ABCC1: variants seen among roughly 807,000 people sequenced by gnomAD.
ABCC1 encodes multidrug resistance-associated protein 1.
In ABCC1, 83 loss-of-function variants were observed where a neutral mutation model predicts 172.9. The ratio of observed to expected loss-of-function variants is 0.48; its 90% CI spans 0.40 to 0.58. The LOEUF is 0.58. Ranked by LOEUF, ABCC1 falls within the 20% of genes least tolerant of loss-of-function variation. ABCC1 has a pLI of 0.00. For missense variants in ABCC1, 1,817 were observed against 2,002.7 expected (o/e 0.91, Z 1.77); for synonymous variants, 937 against 825.2 (o/e 1.14, Z -2.32).
intron 1 of ABCC1, among the ~76,000 whole-genome samples, chr16:15,982,946 G>A (rs745320721): frequency 2.4e-4 from 36 of 152,010 alleles, no homozygotes; most frequent in East Asian, 1.2e-3. Context: ...TCATCCTAGC[G>A]ATAACTGTAC....
intron 13 of ABCC1, among the ~76,000 whole-genome samples, chr16:16,068,979 C>T (rs1249919502): frequency 6.8e-6 from 1 of 148,028 alleles, no homozygotes; most frequent in African/African-American, 2.5e-5. Flanking sequence ...ACAGCAAAAA[C>T]TCCGTCTCAA....
At chr16:16,013,138 T>C (rs34868583) in intron 3 of ABCC1, among the ~76,000 whole-genome samples, 33,470 of 149,768 alleles carry the variant, frequency 0.22, 4,497 homozygotes, top group African/African-American at 0.39. Flanking sequence ...TCTCTTTATC[T>C]ACCTGAGATC....
Position 16,045,862 on chromosome 16 carries a change from C to G in ABCC1, c.1067C>G (p.Thr356Arg), listed in dbSNP as rs373622441. 4.3e-6 allele frequency: 7 copies of G among 1,614,184 alleles called. No individual in the cohort carries two copies. The highest frequency in any genetic ancestry group is 2.2e-5 in the East Asian group (1 of 44,884). ...LKLLIKFVNDTKAPDWQGYFY... is the reference protein window; with the variant it reads ...LKLLIKFVNDRKAPDWQGYFY... Reference sequence around the variant, plus strand: ...TTGCTCATCAAGTTCGTGAATGACACGAAGGCCCCAGACTGGCAGGGCTAC... The same window carrying G: ...TTGCTCATCAAGTTCGTGAATGACAGGAAGGCCCCAGACTGGCAGGGCTAC... Residue 356 changes from threonine to arginine, a missense_variant, in exon 9 of 31, where the codon ACG (threonine) becomes AGG (arginine). This residue lies in a region of ABCC1 where 1,412 missense variants were observed against 1,600.3 expected (regional missense o/e 0.88). Coordinates refer to ENST00000399410, the MANE Select transcript of ABCC1 (RefSeq NM_004996.4).
chr16:15,961,509 C>A (rs139164646), intron 1 of ABCC1, among the ~76,000 whole-genome samples: 1 of 152,216 alleles, frequency 6.6e-6, no homozygotes, highest in African/African-American at 2.4e-5. Flanking sequence ...CCACCCTGCC[C>A]TTTGTTCCCA....
At chr16:15,952,580 A>G (rs2045897491) in intron 1 of ABCC1, among the ~76,000 whole-genome samples, 1 of 151,980 alleles carries the variant, frequency 6.6e-6, no homozygotes, top group Non-Finnish European at 1.5e-5. Context: ...AAAACGGAAA[A>G]TAGGGCCTGA....
chr16:16,119,627 G>A (rs1014896017), intron 23 of ABCC1, among the ~76,000 whole-genome samples: 1 of 152,128 alleles, frequency 6.6e-6, no homozygotes, highest in African/African-American at 2.4e-5. Flanking sequence ...GGAGGCAGAG[G>A]TTGCAATGAG....
intron 17 of ABCC1, among the ~76,000 whole-genome samples, chr16:16,085,758 C>T (rs539249288): frequency 1.3e-4 from 20 of 152,254 alleles, no homozygotes; most frequent in Admixed American, 3.9e-4. Flanking sequence ...CCAGCCTGGG[C>T]GACAGAGTGA....
At chr16:16,069,157 T>TTAA (rs2050228787) in intron 13 of ABCC1, among the ~76,000 whole-genome samples, 2 of 133,138 alleles carry the variant, frequency 1.5e-5, no homozygotes, top group African/African-American at 6.0e-5. Context: ...AAAAATAAAA[T>TTAA]AAAATAAAAT....
chr16:16,023,948 G>A (rs1567323363), intron 5 of ABCC1, among the ~76,000 whole-genome samples: 1 of 152,238 alleles, frequency 6.6e-6, no homozygotes, highest in Non-Finnish European at 1.5e-5. Context: ...GCTGGGTGCA[G>A]TGGCTCATGC....
intron 1 of ABCC1, among the ~76,000 whole-genome samples, chr16:15,985,021 T>G (rs2046712282): frequency 6.6e-6 from 1 of 152,090 alleles, no homozygotes; most frequent in African/African-American, 2.4e-5. Context: ...GAGGATTGCT[T>G]GAGCCTGGTA....
At chr16:16,094,299 G>A in intron 19 of ABCC1, 1 of 265,264 alleles carries the variant, frequency 3.8e-6, no homozygotes, top group Non-Finnish European at 7.7e-6. Flanking sequence ...GTGACTCTCT[G>A]TATTTTTAAG....
At chr16:16,118,979 C>T (rs933361015) in intron 23 of ABCC1, among the ~76,000 whole-genome samples, 2 of 151,134 alleles carry the variant, frequency 1.3e-5, no homozygotes, top group Admixed American at 1.3e-4. Flanking sequence ...GCTCAAATGT[C>T]CATTAACAGG....
intron 1 of ABCC1, among the ~76,000 whole-genome samples, chr16:15,951,288 T>C (rs561350946): frequency 1.3e-5 from 2 of 152,370 alleles, no homozygotes; most frequent in South Asian, 4.1e-4. Flanking sequence ...TATCAGGACG[T>C]ATTTTATTGA....
In ABCC1 at chr16:16,114,746, T is replaced by C. The variant is rs752540180; in HGVS notation, c.3080-20T>C. ...AGCTCCCTCTCTGCATTGTGGAGTT[T>C]TAACTCCGAGTGTCTGCAGGGATCG... On this transcript the variant is annotated intron_variant, in intron 22 of 30. Transcript: ENST00000399410. The C allele has an allele frequency of 8.9e-6, 14 of 1,570,138 alleles. No homozygotes were observed. The highest frequency in any genetic ancestry group is 1.3e-5 in the African/African-American group (1 of 74,326).
chr16:16,107,824 T>C (rs927414692), intron 21 of ABCC1, among the ~76,000 whole-genome samples: 16 of 151,962 alleles, frequency 1.1e-4, no homozygotes, highest in Non-Finnish European at 7.4e-5. Flanking sequence ...GTTTTTTTTG[T>C]TTTTGTTTTT....
At chr16:16,037,385 C>G (rs1190630863) in intron 7 of ABCC1, among the ~76,000 whole-genome samples, 1 of 152,230 alleles carries the variant, frequency 6.6e-6, no homozygotes, top group East Asian at 1.9e-4. Flanking sequence ...CTCTGTCACT[C>G]TTCGGGAATC....
At chr16:16,057,608 A>G (rs2049721723) in intron 12 of ABCC1, among the ~76,000 whole-genome samples, 1 of 152,142 alleles carries the variant, frequency 6.6e-6, no homozygotes. Context: ...CCTCCCTTCT[A>G]AAGTGACAGT....
At chr16:15,999,918 G>C (rs1224256666) in intron 1 of ABCC1, among the ~76,000 whole-genome samples, 3 of 129,086 alleles carry the variant, frequency 2.3e-5, no homozygotes, top group Non-Finnish European at 3.4e-5. Flanking sequence ...GCAGTGGCAC[G>C]ATCTGGGCTC....
chr16:16,106,659 A>G (rs2052126798), intron 20 of ABCC1, 79 bp from the exon 21 acceptor site: 1 of 1,581,850 alleles, frequency 6.3e-7, no homozygotes, highest in East Asian at 2.2e-5. Flanking sequence ...CAGACCCACA[A>G]TAGCAGTCCC....
Sources: gnomAD v4.1 joint callset for allele counts (sites outside exome capture counted in the v4.1 genomes callset) on GRCh38, gnomAD v4.1.1 for gene constraint, gnomAD v4.1.1 regional missense constraint, MANE v1.5 for transcripts, NCBI Gene and HGNC (gene_info 2026-07-23, HGNC 2026-07-21) for gene names.